The following NAALADL2 variants were observed in gnomAD, a reference collection of about 807,000 sequenced individuals.
The protein encoded by NAALADL2 is N-acetylated alpha-linked acidic dipeptidase like 2, also known as inactive N-acetylated-alpha-linked acidic dipeptidase-like protein 2.
Under a neutral mutation model 87.2 loss-of-function variants are expected in NAALADL2, and 76 were observed. That is an observed-to-expected ratio of 0.87 (90% CI 0.72 to 1.05). The LOEUF (loss-of-function observed/expected upper bound fraction) is 1.05, where lower values mean the gene tolerates loss of function less well. NAALADL2 is among the 50% of genes least tolerant of loss of function. The pLI, the probability that NAALADL2 is intolerant of heterozygous loss-of-function variation, is 0.00. For synonymous variants in NAALADL2, 354 were observed against 331.0 expected (o/e 1.07, Z -0.75); for missense variants, 1,089 against 945.8 (o/e 1.15, Z -1.99).
chr3:174,728,157 A>G (rs184470838), intron 2 of NAALADL2, among the ~76,000 whole-genome samples: 10 of 152,152 alleles, frequency 6.6e-5, no homozygotes, highest in African/African-American at 2.4e-4. Flanking sequence ...TTTGGCAATT[A>G]TTAATAAAGA....
At chr3:174,983,694 T>C (rs1745437568) in intron 1 of NAALADL2, among the ~76,000 whole-genome samples, 1 of 152,098 alleles carries the variant, frequency 6.6e-6, no homozygotes, top group Non-Finnish European at 1.5e-5. Flanking sequence ...CCTCATGATA[T>C]AATCATCTCC....
chr3:174,569,047 A>G (rs1430657159), intron 2 of NAALADL2, among the ~76,000 whole-genome samples: 2 of 151,644 alleles, frequency 1.3e-5, no homozygotes, highest in South Asian at 4.2e-4. Flanking sequence ...CTATGGCCTA[A>G]TAATGAATTT....
At chr3:175,771,813 T>C (rs1749523100) in intron 13 of NAALADL2, among the ~76,000 whole-genome samples, 1 of 152,160 alleles carries the variant, frequency 6.6e-6, no homozygotes, top group Admixed American at 6.5e-5. Context: ...ACTGGGTTAT[T>C]TATAAAGGAA....
intron 3 of NAALADL2, among the ~76,000 whole-genome samples, chr3:174,847,797 T>A (rs1448330352): frequency 7.9e-6 from 1 of 126,046 alleles, no homozygotes; most frequent in South Asian, 2.4e-4. Flanking sequence ...CATCAGAGTA[T>A]GTATTTGAAA....
At chr3:174,445,443 C>T (rs1714982741) in intron 1 of NAALADL2, among the ~76,000 whole-genome samples, 1 of 152,020 alleles carries the variant, frequency 6.6e-6, no homozygotes, top group African/African-American at 2.4e-5. Context: ...TCCTGGCCTT[C>T]AGTTTTTTAC....
intron 4 of NAALADL2, among the ~76,000 whole-genome samples, chr3:175,318,183 A>G (rs1258605632): frequency 6.6e-6 from 1 of 152,114 alleles, no homozygotes; most frequent in African/African-American, 2.4e-5. Flanking sequence ...TAAATTATAT[A>G]AAATTGTATT....
intron 2 of NAALADL2, among the ~76,000 whole-genome samples, chr3:174,624,443 G>T (rs1295810445): frequency 6.6e-6 from 1 of 152,054 alleles, no homozygotes; most frequent in Non-Finnish European, 1.5e-5. Flanking sequence ...GGCCAACATG[G>T]TGAAACCCCG....
intron 2 of NAALADL2, among the ~76,000 whole-genome samples, chr3:175,204,133 A>G (rs1450179773): frequency 6.6e-6 from 1 of 152,220 alleles, no homozygotes; most frequent in Admixed American, 6.5e-5. Flanking sequence ...CCAGGAAGGG[A>G]CATAAGCAAA....
chr3:175,780,387 A>G (rs565049766), intron 13 of NAALADL2, among the ~76,000 whole-genome samples: 23 of 152,296 alleles, frequency 1.5e-4, no homozygotes, highest in Non-Finnish European at 3.4e-4. Flanking sequence ...GTATGTGTAT[A>G]CGTATCACAT....
At chr3:174,546,201 G>A (rs1261980950) in intron 1 of NAALADL2, among the ~76,000 whole-genome samples, 2 of 152,088 alleles carry the variant, frequency 1.3e-5, no homozygotes, top group Non-Finnish European at 2.9e-5. Flanking sequence ...TCAAGGGGTA[G>A]AAGGAATTGA....
At chr3:175,059,875 G>T in intron 1 of NAALADL2, 1 of 336,558 alleles carries the variant, frequency 3.0e-6, no homozygotes, top group South Asian at 3.0e-5. Context: ...CCAACATAGG[G>T]CAAGACACGA....
chr3:174,783,028 T>C (rs1716181770), intron 3 of NAALADL2, among the ~76,000 whole-genome samples: 1 of 152,198 alleles, frequency 6.6e-6, no homozygotes, highest in African/African-American at 2.4e-5. Context: ...GTCTTTCTTC[T>C]ATTTTCTAGG....
intron 11 of NAALADL2, among the ~76,000 whole-genome samples, chr3:175,688,571 G>A (rs79606454): frequency 0.016 from 2,475 of 152,172 alleles, 80 homozygotes; most frequent in African/African-American, 0.057. Context: ...CTCATGGAAG[G>A]GTGCACAGTC....
In NAALADL2 at chr3:175,401,165, G is replaced by A. The variant is rs139054762; in HGVS notation, c.1091-46064G>A. ...CTTGAGAAGGCCAGGTGGGGTTGAA[G>A]ATACCAGAAATCCTGGGCTGTTATT... On this transcript the variant is annotated intron_variant, in intron 5 of 13. Transcript: ENST00000454872. 2.3e-3 allele frequency among the ~76,000 whole-genome samples: 353 copies of A among 152,188 alleles called. 1 individual carries two copies. Among genetic ancestry groups the A allele is most frequent in the African/African-American group, 8.3e-3 (346 of 41,548 alleles).
At chr3:174,707,540 G>A (rs1295367823) in intron 2 of NAALADL2, among the ~76,000 whole-genome samples, 1 of 151,224 alleles carries the variant, frequency 6.6e-6, no homozygotes, top group Non-Finnish European at 1.5e-5. Flanking sequence ...GCAAACTATT[G>A]CAAGGACAGA....
chr3:174,844,480 G>A (rs534975152), intron 3 of NAALADL2, among the ~76,000 whole-genome samples: 10 of 152,134 alleles, frequency 6.6e-5, no homozygotes, highest in Middle Eastern at 3.4e-3. Flanking sequence ...GGCTATTTGA[G>A]GTCTTTGTGG....
chr3:174,468,349 G>T (rs79866973), intron 1 of NAALADL2, among the ~76,000 whole-genome samples: 2,187 of 151,146 alleles, frequency 0.014, 46 homozygotes, highest in African/African-American at 0.051. Flanking sequence ...AGTAGTGTTA[G>T]AATTCATTTT....
intron 11 of NAALADL2, among the ~76,000 whole-genome samples, chr3:175,687,700 T>C (rs1736485934): frequency 6.6e-6 from 1 of 152,178 alleles, no homozygotes; most frequent in Non-Finnish European, 1.5e-5. Flanking sequence ...ATGTTGGAGA[T>C]AGAGGTGGTG....
At chr3:175,304,342 A>G (rs1757447171) in intron 4 of NAALADL2, among the ~76,000 whole-genome samples, 1 of 152,132 alleles carries the variant, frequency 6.6e-6, no homozygotes, top group African/African-American at 2.4e-5. Context: ...TTTCTTTTCC[A>G]TTATCTTCTC....
Sources: allele counts gnomAD v4.1 joint callset (sites outside exome capture counted in the v4.1 genomes callset), GRCh38; gene constraint gnomAD v4.1.1; transcripts MANE v1.5; gene names NCBI Gene and HGNC (gene_info 2026-07-23, HGNC 2026-07-21).